PPARD: variants seen among roughly 807,000 people sequenced by gnomAD.
The protein encoded by PPARD is peroxisome proliferator activated receptor delta, also known as peroxisome proliferator-activated receptor delta.
Under a neutral mutation model 39.5 loss-of-function variants are expected in PPARD, and 6 were observed. That is an observed-to-expected ratio of 0.15 (90% CI 0.08 to 0.30). The LOEUF is 0.30. PPARD is among the 10% of genes least tolerant of loss of function. PPARD has a pLI of 1.00. For synonymous variants in PPARD, 210 were observed against 231.3 expected (o/e 0.91, Z 0.83); for missense variants, 397 against 596.8 (o/e 0.67, Z 3.49).
intron 2 of PPARD, among the ~76,000 whole-genome samples, chr6:35,384,037 TG>T (rs1436749156): frequency 2.4e-4 from 31 of 128,822 alleles, no homozygotes; most frequent in Admixed American, 1.6e-3. Flanking sequence ...GGGAGGGAGG[TG>T]GGGGGGTCAG....
chr6:35,427,263 C>G lies in PPARD; in HGVS notation c.*1184C>G, dbSNP rs1452913138. On this transcript the variant is annotated 3_prime_UTR_variant, in exon 8 of 8. Transcript: ENST00000360694. Reference sequence around the variant, plus strand: ...AGCACACACACATAAGCACTGAAATCACTTTACCTGCAGGCTCCATGCACC... The same window carrying G: ...AGCACACACACATAAGCACTGAAATGACTTTACCTGCAGGCTCCATGCACC... 6.3e-6 allele frequency: 1 copy of G among 158,194 alleles called. No individual in the cohort carries two copies. Among genetic ancestry groups the G allele is most frequent in the Non-Finnish European group, 1.4e-5 (1 of 71,864 alleles). 9.8% of individuals were successfully genotyped at this position (158,194 alleles called of 1,614,324 possible).
chr6:35,375,209 GTTTTTTTTTTT>G (rs558275286), intron 2 of PPARD, among the ~76,000 whole-genome samples: 1,869 of 59,560 alleles, frequency 0.031, 58 homozygotes, highest in African/African-American at 0.086. Flanking sequence ...CTCCTTCCGA[GTTTTTTTTTTT>G]TTTTTTTTTT....
chr6:35,391,424 G>C (rs929760665), intron 2 of PPARD, among the ~76,000 whole-genome samples: 1 of 152,152 alleles, frequency 6.6e-6, no homozygotes, highest in East Asian at 1.9e-4. Flanking sequence ...GATTAGATTC[G>C]GGTTTACGTT....
At chr6:35,362,413 G>A (rs548183870) in intron 2 of PPARD, among the ~76,000 whole-genome samples, 6 of 150,004 alleles carry the variant, frequency 4.0e-5, no homozygotes, top group African/African-American at 1.5e-4. Flanking sequence ...CCTGTCCAGC[G>A]CCCCATCTGC....
At position 35,424,025 on chromosome 6, in the gene PPARD, C is replaced by T; in HGVS notation, c.504C>T (p.Tyr168=). ...AGLTANEGSQ[Y]NPQVADLKAF... ...TGACTGCAAACGAGGGGAGCCAGTA[C>T]AACCCACAGGTGGCCGACCTGAAGG... Residue 168 remains tyrosine (Y), a synonymous_variant, in exon 6 of 8, where the codon TAC becomes TAT. Coordinates refer to ENST00000360694, the MANE Select transcript of PPARD (RefSeq NM_006238.5). This position sits in a 1 kb window ranked among gnomAD's most constrained non-coding sequence, Gnocchi z 7.1. 1 of 1,614,222 alleles carries T rather than the reference C, an allele frequency of 6.2e-7. No homozygotes were observed. Among genetic ancestry groups the T allele is most frequent in the Non-Finnish European group, 8.5e-7 (1 of 1,180,040 alleles).
intron 2 of PPARD, among the ~76,000 whole-genome samples, chr6:35,389,945 A>G (rs1248851673): frequency 6.6e-6 from 1 of 152,210 alleles, no homozygotes; most frequent in Non-Finnish European, 1.5e-5. Flanking sequence ...CATTGGAACC[A>G]GAGGGCAGAA....
At chr6:35,354,842 A>G (rs1375022611) in intron 2 of PPARD, among the ~76,000 whole-genome samples, 1 of 152,172 alleles carries the variant, frequency 6.6e-6, no homozygotes, top group Non-Finnish European at 1.5e-5. Context: ...GTTGAGGAAC[A>G]TTTGTAGCCA....
At chr6:35,379,679 T>A (rs1003532535) in intron 2 of PPARD, among the ~76,000 whole-genome samples, 2 of 152,244 alleles carry the variant, frequency 1.3e-5, no homozygotes, top group Non-Finnish European at 2.9e-5. Context: ...CTTTGACAAC[T>A]TGGTGCTTTT....
intron 2 of PPARD, among the ~76,000 whole-genome samples, chr6:35,398,990 CTG>C (rs1359317927): frequency 6.6e-6 from 1 of 152,042 alleles, no homozygotes; most frequent in Non-Finnish European, 1.5e-5. Flanking sequence ...TGACGCATGT[CTG>C]TAGTCCCAGC....
intron 1 of PPARD, 51 bp from the exon 2 acceptor site, chr6:35,347,016 G>A: frequency 8.4e-7 from 1 of 1,191,782 alleles, no homozygotes; most frequent in Admixed American, 2.3e-5. Context: ...TTGCTTTGAG[G>A]GCCCCTGGCA....
chr6:35,365,729 G>C (rs997806860), intron 2 of PPARD, among the ~76,000 whole-genome samples: 1 of 151,612 alleles, frequency 6.6e-6, no homozygotes, highest in Admixed American at 6.6e-5. Flanking sequence ...GATCTCAAAT[G>C]ATTTGCTCAT....
At chr6:35,382,557 C>T (rs1350470482) in intron 2 of PPARD, among the ~76,000 whole-genome samples, 2 of 152,210 alleles carry the variant, frequency 1.3e-5, no homozygotes, top group Non-Finnish European at 2.9e-5. Context: ...CTAGGAATAA[C>T]TTGGGAGACC....
intron 2 of PPARD, among the ~76,000 whole-genome samples, chr6:35,383,425 A>G (rs1156876969): frequency 6.6e-6 from 1 of 152,168 alleles, no homozygotes; most frequent in African/African-American, 2.4e-5. Context: ...CAAAGTGCTG[A>G]GATTGCAGCC....
intron 2 of PPARD, among the ~76,000 whole-genome samples, chr6:35,386,824 A>G (rs1208114796): frequency 6.6e-6 from 1 of 151,932 alleles, no homozygotes; most frequent in East Asian, 1.9e-4. Context: ...CCAGCACAGG[A>G]TGGTTTCTGG....
At chr6:35,393,423 T>C (rs1441564160) in intron 2 of PPARD, among the ~76,000 whole-genome samples, 2 of 152,198 alleles carry the variant, frequency 1.3e-5, no homozygotes, top group African/African-American at 2.4e-5. Context: ...AAGCCTAACA[T>C]GACCTGGCGT....
chr6:35,359,423 C>T (rs1761807306), intron 2 of PPARD, among the ~76,000 whole-genome samples: 1 of 152,174 alleles, frequency 6.6e-6, no homozygotes, highest in South Asian at 2.1e-4. Flanking sequence ...AAAGCAGCCT[C>T]CTCTTTCTGA....
Position 35,424,812 on chromosome 6 carries a change from G to A in PPARD, c.1078+33G>A, listed in dbSNP as rs763362626. 3.1e-6 allele frequency: 5 copies of A among 1,602,696 alleles called. No homozygotes were observed. The South Asian group carries it at 3.3e-5, about 11-fold the overall frequency. On this transcript the variant is annotated intron_variant, in intron 7 of 7. Coordinates refer to ENST00000360694, the MANE Select transcript of PPARD (RefSeq NM_006238.5). The surrounding 1 kb of genome is among the most constrained non-coding windows in gnomAD (Gnocchi z 7.1). ...AGAGTGGGGCAGGTGGGCTGGCCTG[G>A]CACACCCAGTCGTCCTGGGGGTTGG...
At chr6:35,389,104 G>T (rs1036945826) in intron 2 of PPARD, among the ~76,000 whole-genome samples, 1 of 152,200 alleles carries the variant, frequency 6.6e-6, no homozygotes, top group African/African-American at 2.4e-5. Context: ...CTTGAGCCTA[G>T]GAGGCTGAGG....
chr6:35,347,281 T>A, intron 2 of PPARD, 131 bp downstream of exon 2: 9 of 1,095,658 alleles, frequency 8.2e-6, no homozygotes, highest in Non-Finnish European at 1.2e-5. Flanking sequence ...TGTCACAGCA[T>A]CTGGTACCAG....
Sources: allele counts gnomAD v4.1 joint callset (sites outside exome capture counted in the v4.1 genomes callset), GRCh38; gene constraint gnomAD v4.1.1; non-coding constraint Gnocchi (gnomAD v3.1); transcripts MANE v1.5; gene names NCBI Gene and HGNC (gene_info 2026-07-23, HGNC 2026-07-21).